DCSTAMP: variants seen among roughly 807,000 people sequenced by gnomAD.
The protein encoded by DCSTAMP is dendrocyte expressed seven transmembrane protein.
Under a neutral mutation model 33.8 loss-of-function variants are expected in DCSTAMP, and 25 were observed. The ratio of observed to expected loss-of-function variants is 0.74; its 90% CI spans 0.54 to 1.03. The LOEUF is 1.03. DCSTAMP is among the 50% of genes least tolerant of loss of function. The probability of loss-of-function intolerance (pLI) is 0.00; values close to 1 mark genes in which losing one functional copy is unlikely to be tolerated. For synonymous variants in DCSTAMP, 245 were observed against 216.7 expected (o/e 1.13, Z -1.15); for missense variants, 531 against 556.8 (o/e 0.95, Z 0.47).
chr8:104,349,125 G>A lies in DCSTAMP; in HGVS notation c.573G>A (p.Gly191=). 6.2e-7 allele frequency: 1 copy of A among 1,614,154 alleles called. No homozygotes were observed. Among genetic ancestry groups the A allele is most frequent in the Non-Finnish European group, 8.5e-7 (1 of 1,180,028 alleles). The part of the protein sequence containing the change: ...VLEAQLNDSK[G]EVLSVLYQMA... Reference sequence around the variant, plus strand: ...AGGCACAGCTAAATGACAGCAAAGGGGAAGTCCTGAGCGTCTTGTACCAGA... The same window carrying A: ...AGGCACAGCTAAATGACAGCAAAGGAGAAGTCCTGAGCGTCTTGTACCAGA... The change falls in exon 2 of 4, where the codon GGG becomes GGA. Residue 191 remains glycine, a synonymous_variant. Transcript: ENST00000297581.
intron 2 of DCSTAMP, among the ~76,000 whole-genome samples, 184 bp downstream of exon 2, chr8:104,349,765 T>A (rs1171336478): frequency 6.6e-6 from 1 of 152,112 alleles, no homozygotes; most frequent in African/African-American, 2.4e-5. Flanking sequence ...GAAGTCCCAA[T>A]GTTAGGGTGT....
intron 1 of DCSTAMP, among the ~76,000 whole-genome samples, chr8:104,341,531 A>G (rs982863888): frequency 2.0e-5 from 3 of 152,176 alleles, no homozygotes; most frequent in African/African-American, 4.8e-5. Flanking sequence ...AGGTGTATGT[A>G]CCTTGCAGAG....
At chr8:104,340,850 T>C (rs1381792620) in intron 1 of DCSTAMP, among the ~76,000 whole-genome samples, 4 of 152,338 alleles carry the variant, frequency 2.6e-5, no homozygotes, top group South Asian at 2.1e-4. Flanking sequence ...TCAGACTGGG[T>C]TCCCGCAGGG....
chr8:104,346,251 G>T (rs1810311553), intron 1 of DCSTAMP, among the ~76,000 whole-genome samples: 1 of 152,258 alleles, frequency 6.6e-6, no homozygotes, highest in South Asian at 2.1e-4. Context: ...TCAAATAATG[G>T]TTTGGGGTCA....
At chr8:104,342,671 T>G (rs779016092) in intron 1 of DCSTAMP, among the ~76,000 whole-genome samples, 5 of 152,302 alleles carry the variant, frequency 3.3e-5, no homozygotes, top group Non-Finnish European at 7.3e-5. Context: ...AAGTGCTGCC[T>G]GCAGGGGACA....
chr8:104,343,674 C>T (rs1007574589), intron 1 of DCSTAMP, among the ~76,000 whole-genome samples: 3 of 152,176 alleles, frequency 2.0e-5, no homozygotes, highest in African/African-American at 7.2e-5. Context: ...GACTGGCAGC[C>T]AAACAGAGCA....
chr8:104,356,153 G>T lies in DCSTAMP; in HGVS notation c.1368G>T (p.Met456Ile). The T allele has an allele frequency of 6.2e-7, 1 of 1,612,534 alleles. No homozygotes were observed. Among genetic ancestry groups the T allele is most frequent in the South Asian group, 1.1e-5 (1 of 90,734 alleles). Reference protein sequence around the residue: ...KIHFWLPVLKMIRKKQMDMAS... With the variant: ...KIHFWLPVLKIIRKKQMDMAS... Reference sequence around the variant, plus strand: ...ATTTCTGGCTTCCAGTCCTGAAAATGATTAGGAAGAAGCAAATGGACATGG... The same window carrying T: ...ATTTCTGGCTTCCAGTCCTGAAAATTATTAGGAAGAAGCAAATGGACATGG... The change falls in exon 4 of 4, where the codon ATG (methionine) becomes ATT (isoleucine). Residue 456 changes from methionine to isoleucine, a missense_variant. Transcript: ENST00000297581.
intron 1 of DCSTAMP, among the ~76,000 whole-genome samples, chr8:104,342,483 A>T (rs745724552): frequency 1.3e-5 from 2 of 152,202 alleles, no homozygotes; most frequent in Non-Finnish European, 2.9e-5. Context: ...CTTTCAAGAA[A>T]ATCTGCTGGG....
intron 1 of DCSTAMP, among the ~76,000 whole-genome samples, chr8:104,345,678 C>T (rs1443499004): frequency 4.0e-5 from 6 of 151,800 alleles, no homozygotes; most frequent in African/African-American, 1.5e-4. Context: ...ACACACTGTA[C>T]AAGGATGAAG....
chr8:104,343,506 T>C (rs961707383), intron 1 of DCSTAMP, among the ~76,000 whole-genome samples: 7 of 152,226 alleles, frequency 4.6e-5, no homozygotes, highest in Admixed American at 2.6e-4. Context: ...CCAATTTATT[T>C]GAACCCCCAG....
intron 2 of DCSTAMP, among the ~76,000 whole-genome samples, chr8:104,353,767 CT>C (rs1810533713): frequency 6.6e-6 from 1 of 152,222 alleles, no homozygotes; most frequent in African/African-American, 2.4e-5. Flanking sequence ...TAGTTGGGTT[CT>C]TTTTGAGAAG....
At chr8:104,347,960 T>C (rs773139720) in intron 1 of DCSTAMP, among the ~76,000 whole-genome samples, 8 of 151,872 alleles carry the variant, frequency 5.3e-5, no homozygotes, top group African/African-American at 9.7e-5. Context: ...AGAGAAAACA[T>C]AAGGATAAAA....
intron 2 of DCSTAMP, among the ~76,000 whole-genome samples, chr8:104,351,946 ATTACTT>A (rs1394895833): frequency 1.3e-5 from 2 of 152,102 alleles, no homozygotes; most frequent in Non-Finnish European, 2.9e-5. Flanking sequence ...TAAAAAGATT[ATTACTT>A]TTAACTTTTA....
chr8:104,341,054 GA>G (rs2099382732), intron 1 of DCSTAMP, among the ~76,000 whole-genome samples: 1 of 152,226 alleles, frequency 6.6e-6, no homozygotes, highest in South Asian at 2.1e-4. Flanking sequence ...AGGAGCTTTG[GA>G]AATGGGGAGA....
intron 2 of DCSTAMP, among the ~76,000 whole-genome samples, chr8:104,350,577 A>G (rs1395014251): frequency 6.6e-6 from 1 of 152,220 alleles, no homozygotes; most frequent in Non-Finnish European, 1.5e-5. Flanking sequence ...GACAGATTGG[A>G]TTACTAGTTC....
In DCSTAMP at chr8:104,349,028, G is replaced by A. The variant is rs1173350264; in HGVS notation, c.476G>A (p.Ser159Asn). 10 of 1,614,088 alleles carry A rather than the reference G, an allele frequency of 6.2e-6. No homozygotes were observed. In the Admixed American group the frequency reaches 1.5e-4, roughly 24 times the overall value. The change falls in exon 2 of 4, where the codon AGT becomes AAT. Residue 159 changes from serine (S) to asparagine (N), a missense_variant. By Grantham distance (46) the Ser-to-Asn change is conservative. Coordinates refer to ENST00000297581, the MANE Select transcript of DCSTAMP (RefSeq NM_030788.4). ...QWIYGLATPL[S>N]VFDDLVSWNQ... ...ATTTATGGCCTTGCCACTCCACTAAGTGTATTTGATGACCTTGTTTCTTGG... is the reference window on the plus strand; with the variant it reads ...ATTTATGGCCTTGCCACTCCACTAAATGTATTTGATGACCTTGTTTCTTGG...
chr8:104,352,319 A>G (rs1000220101), intron 2 of DCSTAMP, among the ~76,000 whole-genome samples: 1 of 152,110 alleles, frequency 6.6e-6, no homozygotes, highest in African/African-American at 2.4e-5. Context: ...AATCCCGTTA[A>G]TTACAAGGCA....
At chr8:104,353,771 T>C (rs983968041) in intron 2 of DCSTAMP, among the ~76,000 whole-genome samples, 2 of 152,258 alleles carry the variant, frequency 1.3e-5, no homozygotes, top group Non-Finnish European at 2.9e-5. Flanking sequence ...TGGGTTCTTT[T>C]TGAGAAGTCA....
At position 104,342,421 on chromosome 8, in the gene DCSTAMP, T is replaced by A. The variant is rs1368764087; in HGVS notation, c.-13+2559T>A. On this transcript the variant is annotated intron_variant, in intron 1 of 3. Transcript: ENST00000297581. The stretch of plus-strand genomic sequence containing the variant: ...GATGTCACCCAAAGAAATCTAGATT[T>A]CTGACTTAAAAAATAAAAGTCAGAA... Among the ~76,000 whole-genome samples, 6 of 152,194 alleles carry A rather than the reference T, an allele frequency of 3.9e-5. No individual in the cohort carries two copies. In the East Asian group the frequency reaches 9.6e-4, roughly 24 times the overall value.
Sources: allele counts gnomAD v4.1 joint callset (sites outside exome capture counted in the v4.1 genomes callset), GRCh38; gene constraint gnomAD v4.1.1; transcripts MANE v1.5; gene names NCBI Gene and HGNC (gene_info 2026-07-23, HGNC 2026-07-21).